The following LIMCH1 variants were observed in gnomAD, a reference collection of about 807,000 sequenced individuals.
LIMCH1 encodes the protein LIM and calponin homology domains 1, also known as LIM and calponin homology domains-containing protein 1.
In LIMCH1, 113 loss-of-function variants were observed where a neutral mutation model predicts 176.5. The observed-to-expected ratio is 0.64, with a 90% CI of 0.55 to 0.75. The LOEUF (loss-of-function observed/expected upper bound fraction) is 0.75, where lower values mean the gene tolerates loss of function less well. LIMCH1 is among the 30% of genes least tolerant of loss of function. The pLI is 0.00. For synonymous variants in LIMCH1, 619 were observed against 645.9 expected, an observed-to-expected ratio of 0.96 and a Z score of 0.63; for missense variants, 1,674 against 1,814.9, an observed-to-expected ratio of 0.92 and a Z score of 1.41.
intron 1 of LIMCH1, among the ~76,000 whole-genome samples, chr4:41,576,417 G>A (rs1338792421): frequency 1.3e-5 from 2 of 152,124 alleles, no homozygotes; most frequent in African/African-American, 4.8e-5. Context: ...TAAAAATACA[G>A]ATATCCTTTG....
intron 23 of LIMCH1, among the ~76,000 whole-genome samples, chr4:41,679,669 C>T (rs1714050644): frequency 6.6e-6 from 1 of 152,134 alleles, no homozygotes; most frequent in Non-Finnish European, 1.5e-5. Context: ...AAACTCATCT[C>T]CAAAGGGCCC....
rs371452616 is a variant in LIMCH1, at chr4:41,399,876, G to GT, written c.96+38943dup. Among the ~76,000 whole-genome samples, 1,358 of 143,576 alleles carry GT rather than the reference G, an allele frequency of 9.5e-3. 26 individuals are homozygous for GT. Among genetic ancestry groups the GT allele is most frequent in the African/African-American group, 0.034 (1,269 of 37,040 alleles). 94.2% of individuals were successfully genotyped at this position (143,576 alleles called of 152,430 possible). On this transcript the variant is annotated intron_variant, in intron 1 of 26. Coordinates refer to the LIMCH1 transcript ENST00000313860. ...TTTTTGTATTTTTAGTAGAGATGGG[G>GT]TTTCACCATGTTGGCCAGGATGGTC... is the stretch of plus-strand genomic sequence containing the variant.
chr4:41,664,710 G>A (rs978668976), intron 20 of LIMCH1, among the ~76,000 whole-genome samples: 3 of 152,136 alleles, frequency 2.0e-5, no homozygotes, highest in African/African-American at 7.2e-5. Flanking sequence ...AATACCCTAA[G>A]TAAAAAGCAG....
intron 1 of LIMCH1, among the ~76,000 whole-genome samples, chr4:41,593,727 C>T (rs559373731): frequency 1.3e-5 from 2 of 152,270 alleles, no homozygotes; most frequent in South Asian, 2.1e-4. Context: ...TACAGACACA[C>T]GTTTGTTTAC....
chr4:41,680,836 A>C (rs1453127961), intron 24 of LIMCH1, 119 bp from the exon 25 acceptor site: 7 of 541,310 alleles, frequency 1.3e-5, no homozygotes, highest in Middle Eastern at 2.8e-4. Flanking sequence ...ACTTTTTAAA[A>C]TGCCCTGCTT....
rs1454149171 is a variant in LIMCH1, at chr4:41,632,827, G to A, written c.1680G>A (p.Trp560Ter). Residue 560 changes from tryptophan (W) to a stop codon, truncating the protein, a stop_gained, in exon 11 of 32, where the codon TGG becomes TGA. Transcript: ENST00000503057. LOFTEE classifies it high-confidence loss of function. Reference protein sequence around the residue: ...LAPVPESQEEWVCSLGECPRG... With the variant: ...LAPVPESQEE ...CTGTGCCGGAGTCTCAGGAAGAGTG[G>A]GTCTGCAGTTTGGGCGAGTGCCCGA... The A allele has an allele frequency of 2.0e-6, 3 of 1,536,068 alleles. No individual in the cohort carries two copies. Among genetic ancestry groups the A allele is most frequent in the Non-Finnish European group, 8.7e-7 (1 of 1,146,918 alleles).
At chr4:41,640,867 A>G (rs1340474346) in intron 14 of LIMCH1, among the ~76,000 whole-genome samples, 1 of 152,208 alleles carries the variant, frequency 6.6e-6, no homozygotes, top group Non-Finnish European at 1.5e-5. Flanking sequence ...CCTACCGCAC[A>G]GGCAAACAGA....
intron 1 of LIMCH1, among the ~76,000 whole-genome samples, chr4:41,481,476 A>G (rs2068610952): frequency 6.6e-6 from 1 of 152,188 alleles, no homozygotes. Context: ...TGTGCGTATA[A>G]CCTGAACTTT....
At chr4:41,661,196 CATA>C (rs1482555315) in intron 18 of LIMCH1, among the ~76,000 whole-genome samples, 2 of 152,150 alleles carry the variant, frequency 1.3e-5, no homozygotes, top group Non-Finnish European at 2.9e-5. Context: ...CCAAGGCAGT[CATA>C]GGAGGTTTGG....
At chr4:41,697,059 G>C (rs1731256021) in intron 31 of LIMCH1, 101 bp from the exon 32 acceptor site, 1 of 1,210,382 alleles carries the variant, frequency 8.3e-7, no homozygotes. Flanking sequence ...AGGAAGAGGA[G>C]ACTTTGGTAA....
chr4:41,361,067 C>T (rs1476969387), intron 1 of LIMCH1: 1 of 561,034 alleles, frequency 1.8e-6, no homozygotes. Flanking sequence ...TGCTCCAGGT[C>T]ACCCCCCCGG....
chr4:41,469,625 T>G (rs2066643918), intron 1 of LIMCH1, among the ~76,000 whole-genome samples: 1 of 152,192 alleles, frequency 6.6e-6, no homozygotes, highest in Admixed American at 6.5e-5. Context: ...CTTTTTAGTT[T>G]TAACAACCTT....
chr4:41,544,197 A>G (rs6855264), intron 1 of LIMCH1, among the ~76,000 whole-genome samples: 12,402 of 152,118 alleles, frequency 0.082, 612 homozygotes, highest in South Asian at 0.19. Flanking sequence ...AAATAAATCT[A>G]TGACTCTTTT....
chr4:41,697,302 G>A lies in LIMCH1; in HGVS notation c.*117G>A. 1.1e-6 allele frequency: 1 copy of A among 881,400 alleles called. No individual in the cohort carries two copies. Among genetic ancestry groups the A allele is most frequent in the Non-Finnish European group, 1.9e-6 (1 of 535,298 alleles). The allele number at this position is 881,400 out of a possible 1,614,324, so 54.6% of individuals were successfully genotyped here. A position where few individuals can be genotyped will look rare whatever the true frequency, so the allele number is the denominator to read the frequency against. On this transcript the variant is annotated 3_prime_UTR_variant, in exon 32 of 32. Coordinates refer to ENST00000503057, the MANE Select transcript of LIMCH1 (RefSeq NM_001330672.2). ...TCAGCATTTACCTAATTTCTGAAAG[G>A]CTCTTCTGAAAGGTGGTATCTGTTC...
chr4:41,633,128 T>G, intron 12 of LIMCH1, 43 bp downstream of exon 12: 3 of 1,359,226 alleles, frequency 2.2e-6, no homozygotes, highest in Non-Finnish European at 3.0e-6. Flanking sequence ...GTGTTGCCCC[T>G]GCTGTGTGTG....
intron 1 of LIMCH1, among the ~76,000 whole-genome samples, chr4:41,402,130 GA>G (rs2058505554): frequency 6.6e-6 from 1 of 151,902 alleles, no homozygotes; most frequent in African/African-American, 2.4e-5. Flanking sequence ...AAATTTACAA[GA>G]AAAAAACAAA....
intron 2 of LIMCH1, among the ~76,000 whole-genome samples, chr4:41,603,531 G>A (rs1181839966): frequency 2.6e-5 from 4 of 152,148 alleles, no homozygotes; most frequent in African/African-American, 2.4e-5. Flanking sequence ...TCAGTTTGAC[G>A]GTGGTCTATA....
At chr4:41,692,684 T>C (rs1217886693) in intron 31 of LIMCH1, 14 of 252,730 alleles carry the variant, frequency 5.5e-5, no homozygotes, top group Non-Finnish European at 1.5e-5. Flanking sequence ...ATAAGGTCTG[T>C]CAAACACTGT....
intron 1 of LIMCH1, among the ~76,000 whole-genome samples, chr4:41,393,142 G>A (rs1201499787): frequency 2.0e-5 from 3 of 152,236 alleles, no homozygotes; most frequent in Non-Finnish European, 4.4e-5. Flanking sequence ...TGCCAACTTT[G>A]TGATATGACT....
Sources: allele counts gnomAD v4.1 joint callset (sites outside exome capture counted in the v4.1 genomes callset), GRCh38; gene constraint gnomAD v4.1.1; transcripts MANE v1.5; gene names NCBI Gene and HGNC (gene_info 2026-07-23, HGNC 2026-07-21).